LPAR5: variants seen among roughly 807,000 people sequenced by gnomAD.
LPAR5 encodes the protein G protein-coupled receptor 92.
For missense variants in LPAR5, 544 were observed against 521.8 expected, an observed-to-expected ratio of 1.04 and a Z score of -0.41; for synonymous variants, 271 against 261.6, an observed-to-expected ratio of 1.04 and a Z score of -0.35.
Position 6,619,840 on chromosome 12 carries a change from C to G in LPAR5, c.*290G>C. On this transcript the variant is annotated 3_prime_UTR_variant, in exon 2 of 2. Coordinates refer to ENST00000329858, the MANE Select transcript of LPAR5 (RefSeq NM_020400.6). The stretch of plus-strand genomic sequence containing the variant: ...TTTAGCAGTTTAATGCCCTGCCCAC[C>G]CAAAGGCATTTCGTCCTCTTCTGCC... The G allele has an allele frequency of 3.4e-6, 2 of 590,426 alleles. No homozygotes were observed. The highest frequency in any genetic ancestry group is 6.3e-6 in the Non-Finnish European group (2 of 316,984). The allele number at this position is 590,426 out of a possible 1,614,324, so 36.6% of individuals were successfully genotyped here. A position where few individuals can be genotyped will look rare whatever the true frequency, so the allele number is the denominator to read the frequency against.
At chr12:6,624,777 C>T (rs976290359) in intron 1 of LPAR5, among the ~76,000 whole-genome samples, 3 of 152,062 alleles carry the variant, frequency 2.0e-5, no homozygotes, top group East Asian at 1.9e-4. Context: ...TGCGCCACCA[C>T]GCCTGGCTAA....
rs923627040 is a variant in LPAR5 at position 6,620,352 on chromosome 12, A to G, written c.897T>C (p.Phe299=). Residue 299 remains phenylalanine (F), a synonymous_variant, in exon 2 of 2, where the codon TTT becomes TTC. Coordinates refer to ENST00000329858, the MANE Select transcript of LPAR5 (RefSeq NM_020400.6). The surrounding 1 kb of genome is among the most constrained non-coding windows in gnomAD (Gnocchi z 6.8). The part of the protein sequence containing the change: ...NCVLDPLVYY[F]SAEGFRNTLR... ...GGGTGTTGCGGAAGCCCTCGGCGCT[A>G]AAGTAGTACACCAGCGGGTCCAGCA... The G allele has an allele frequency of 3.1e-6, 5 of 1,611,276 alleles. No homozygotes were observed. The highest frequency in any genetic ancestry group is 4.2e-6 in the Non-Finnish European group (5 of 1,179,134).
chr12:6,631,983 T>C (rs1264425164), intron 1 of LPAR5, among the ~76,000 whole-genome samples: 1 of 152,208 alleles, frequency 6.6e-6, no homozygotes, highest in African/African-American at 2.4e-5. Flanking sequence ...TTTTTTCTTT[T>C]GTTTTTGAGA....
chr12:6,626,068 G>A (rs538973844), intron 1 of LPAR5, among the ~76,000 whole-genome samples: 147 of 152,190 alleles, frequency 9.7e-4, no homozygotes, highest in Non-Finnish European at 2.0e-3. Context: ...TCAGGAGCTC[G>A]AAACCAGCCT....
chr12:6,628,084 C>G lies in LPAR5; in HGVS notation c.-216-6620G>C, dbSNP rs932917655. ...TCGTCCGGGCTGGAGTGCAGTGGCT[C>G]AATCTGGGCTCACTGCAAGCTCTGC... On this transcript the variant is annotated intron_variant, in intron 1 of 1. Transcript: ENST00000329858. 2.1e-5 allele frequency among the ~76,000 whole-genome samples: 3 copies of G among 141,644 alleles called. No homozygotes were observed. In the East Asian group the frequency reaches 6.5e-4, roughly 31 times the overall value. The allele number at this position is 141,644 out of a possible 152,430, so 92.9% of individuals were successfully genotyped here.
At chr12:6,632,506 C>T (rs1948986143) in intron 1 of LPAR5, among the ~76,000 whole-genome samples, 1 of 152,178 alleles carries the variant, frequency 6.6e-6, no homozygotes, top group Non-Finnish European at 1.5e-5. Context: ...AAGCCTACTT[C>T]CTCTGCTTCT....
chr12:6,623,754 G>C (rs1948912764), intron 1 of LPAR5, among the ~76,000 whole-genome samples: 1 of 152,152 alleles, frequency 6.6e-6, no homozygotes, highest in Admixed American at 6.6e-5. Context: ...CAGATAATAA[G>C]CACAAATCAA....
In LPAR5 at chr12:6,629,705, C is replaced by G. The variant is rs1948969699; in HGVS notation, c.-217+6202G>C. The stretch of plus-strand genomic sequence containing the variant: ...AAAAAAATTAAAATGTTAAATAGAC[C>G]AAGATTATTAGTTGAGCGGCTACTT... On this transcript the variant is annotated intron_variant, in intron 1 of 1. Coordinates refer to ENST00000329858, the MANE Select transcript of LPAR5 (RefSeq NM_020400.6). Among the ~76,000 whole-genome samples the G allele has an allele frequency of 2.0e-5, 3 of 149,674 alleles. No homozygotes were observed. The South Asian group carries it at 6.4e-4, about 32-fold the overall frequency.
At chr12:6,625,571 AAT>A (rs1948931864) in intron 1 of LPAR5, among the ~76,000 whole-genome samples, 1 of 148,486 alleles carries the variant, frequency 6.7e-6, no homozygotes, top group Admixed American at 6.8e-5. Context: ...AATACAAAAA[AAT>A]TTAGCTGAGC....
intron 1 of LPAR5, among the ~76,000 whole-genome samples, chr12:6,634,652 C>T (rs1261587757): frequency 6.6e-5 from 10 of 151,302 alleles, no homozygotes; most frequent in Admixed American, 4.0e-4. Flanking sequence ...AAAAATTAGC[C>T]GGGCATGGTG....
In LPAR5 at chr12:6,635,957, T is replaced by TCTGGG. The variant is rs370119475; in HGVS notation, c.-268_-267insCCCAG. ...CCCCAAGCTGGCTTCCGCTGCCTGC[T>TCTGGG]CTGGGCTGGGCTGGGCTGGGCTGGG... is the stretch of plus-strand genomic sequence containing the variant. On this transcript the variant is annotated 5_prime_UTR_variant, in exon 1 of 2. Transcript: ENST00000329858. The TCTGGG allele has an allele frequency of 9.0e-3, 1,379 of 153,328 alleles. 17 individuals carry two copies. Among genetic ancestry groups the TCTGGG allele is most frequent in the East Asian group, 0.014 (71 of 5,170 alleles). 9.5% of individuals were successfully genotyped at this position (153,328 alleles called of 1,614,324 possible).
rs868536944 is a variant in LPAR5, at chr12:6,620,711, T to C, written c.538A>G (p.Ser180Gly). 2 of 1,582,400 alleles carry C rather than the reference T, an allele frequency of 1.3e-6. No individual in the cohort carries two copies. Among genetic ancestry groups the C allele is most frequent in the East Asian group, 4.6e-5 (2 of 43,764 alleles). The change falls in exon 2 of 2, where the codon AGC becomes GGC. Residue 180 changes from serine (S) to glycine (G), a missense_variant. Physicochemically the swap from Ser to Gly is moderately conservative, Grantham distance 56 (BLOSUM62 0). Transcript: ENST00000329858. This position sits in a 1 kb window ranked among gnomAD's most constrained non-coding sequence, Gnocchi z 6.8. The part of the protein sequence containing the change: ...LEVRLCFESF[S>G]DELWKGRLLP... ...AGCCTGCCTTTCCACAGCTCGTCGC[T>C]GAAGCTCTCGAAGCATAGGCGCACC...
At chr12:6,633,701 C>G (rs1948994693) in intron 1 of LPAR5, among the ~76,000 whole-genome samples, 1 of 152,216 alleles carries the variant, frequency 6.6e-6, no homozygotes. Context: ...GCGTGAGCCA[C>G]TGTGCCCGGC....
In LPAR5 at chr12:6,620,691, G is replaced by A; in HGVS notation, c.558C>T (p.Gly186=). The A allele has an allele frequency of 1.5e-5, 24 of 1,572,688 alleles. No homozygotes were observed. The highest frequency in any genetic ancestry group is 2.1e-5 in the Non-Finnish European group (24 of 1,158,936). The change falls in exon 2 of 2, where the codon GGC becomes GGT. Residue 186 remains glycine (G), a synonymous_variant. Transcript: ENST00000329858. This position sits in a 1 kb window ranked among gnomAD's most constrained non-coding sequence, Gnocchi z 6.8. The part of the protein sequence containing the change: ...FESFSDELWK[G]RLLPLVLLAE... Reference sequence around the variant, plus strand: ...CCAGCAGCACGAGGGGCAGCAGCCTGCCTTTCCACAGCTCGTCGCTGAAGC... The same window carrying A: ...CCAGCAGCACGAGGGGCAGCAGCCTACCTTTCCACAGCTCGTCGCTGAAGC...
At chr12:6,634,284 T>C (rs11064295) in intron 1 of LPAR5, among the ~76,000 whole-genome samples, 113,518 of 151,908 alleles carry the variant, frequency 0.75, 43,490 homozygotes, top group Non-Finnish European at 0.83. Flanking sequence ...GGATTACAGG[T>C]GTGAGCCACC....
chr12:6,629,659 G>A (rs752922614), intron 1 of LPAR5, among the ~76,000 whole-genome samples: 1 of 146,324 alleles, frequency 6.8e-6, no homozygotes, highest in Non-Finnish European at 1.5e-5. Context: ...AGATGGCAGA[G>A]TGAGACTCCG....
In LPAR5 at chr12:6,619,830, C is replaced by A. The variant is rs1025078934; in HGVS notation, c.*300G>T. 3.0e-5 allele frequency: 17 copies of A among 558,098 alleles called. No individual in the cohort carries two copies. The highest frequency in any genetic ancestry group is 2.2e-4 in the East Asian group (6 of 27,822). 34.6% of individuals were successfully genotyped at this position (558,098 alleles called of 1,614,324 possible). Reference sequence around the variant, plus strand: ...CTAACCAGCTTTTAGCAGTTTAATGCCCTGCCCACCCAAAGGCATTTCGTC... The same window carrying A: ...CTAACCAGCTTTTAGCAGTTTAATGACCTGCCCACCCAAAGGCATTTCGTC... On this transcript the variant is annotated 3_prime_UTR_variant, in exon 2 of 2. Coordinates refer to ENST00000329858, the MANE Select transcript of LPAR5 (RefSeq NM_020400.6).
chr12:6,626,796 C>T (rs1039358641), intron 1 of LPAR5, among the ~76,000 whole-genome samples: 77 of 152,322 alleles, frequency 5.1e-4, no homozygotes, highest in African/African-American at 3.6e-4. Flanking sequence ...CTTCCCTAAC[C>T]GCCCCCGCAA....
At chr12:6,621,583 A>G (rs1489978180) in intron 1 of LPAR5, 119 bp from the exon 2 acceptor site, 2 of 240,268 alleles carry the variant, frequency 8.3e-6, no homozygotes, top group Middle Eastern at 1.3e-3. Context: ...TTGGGCTAGA[A>G]TAGGTTCCTA....
Sources: allele counts gnomAD v4.1 joint callset (sites outside exome capture counted in the v4.1 genomes callset), GRCh38; gene constraint gnomAD v4.1.1; non-coding constraint Gnocchi (gnomAD v3.1); transcripts MANE v1.5; gene names NCBI Gene and HGNC (gene_info 2026-07-23, HGNC 2026-07-21).